AMER1: variants seen among roughly 807,000 people sequenced by gnomAD.
AMER1 encodes the protein RP11-403E24.2.
A neutral mutation model predicts 53.0 loss-of-function variants in AMER1; 16 were observed. That is an observed-to-expected ratio of 0.30 (90% CI 0.20 to 0.46). The LOEUF is 0.46. Ranked by LOEUF, AMER1 falls within the 20% of genes least tolerant of loss-of-function variation. AMER1 has a pLI of 1.00. For synonymous variants in AMER1, 354 were observed against 331.9 expected (o/e 1.07, Z -0.73); for missense variants, 947 against 884.9 (o/e 1.07, Z -0.89).
rs533580818 is a variant in AMER1 at position 64,196,781 on chromosome X, C to G, written c.-98-3397G>C. 6.3e-5 allele frequency among the ~76,000 whole-genome samples: 7 copies of G among 111,585 alleles called. 1 individual carries two copies. The South Asian group carries it at 2.7e-3, about 43-fold the overall frequency. Reference sequence around the variant, plus strand: ...GTCATCTTTGCTGGCAGATACCAGCCTTAAACTGGTACTCTGTGTTCTCTC... The same window carrying G: ...GTCATCTTTGCTGGCAGATACCAGCGTTAAACTGGTACTCTGTGTTCTCTC... On this transcript the variant is annotated intron_variant, in intron 1 of 1. Transcript: ENST00000374869.
At position 64,189,538 on chromosome X, in the gene AMER1, AT is replaced by A. The variant is rs763256131; in HGVS notation, c.*340del. 410 of 111,388 alleles carry A rather than the reference AT, an allele frequency of 3.7e-3. 12 individuals are homozygous for A. Among genetic ancestry groups the A allele is most frequent in the African/African-American group, 0.031 (392 of 12,680 alleles). The allele number at this position is 111,388 out of a possible 1,213,427, so 9.2% of individuals were successfully genotyped here. A position where few individuals can be genotyped will look rare whatever the true frequency, so the allele number is the denominator to read the frequency against. On this transcript the variant is annotated 3_prime_UTR_variant, in exon 2 of 2. Transcript: ENST00000374869. ...TGTATATATATATATATATATATAT[AT>A]ATATATATATATATATATAATCACT...
At position 64,186,861 on chromosome X, in the gene AMER1, G is replaced by A. The variant is rs778882116; in HGVS notation, c.*3018C>T. 5 of 771,111 alleles carry A rather than the reference G, an allele frequency of 6.5e-6. No individual in the cohort carries two copies. The East Asian group carries it at 3.8e-4, about 58-fold the overall frequency. The allele number at this position is 771,111 out of a possible 1,213,427, so 63.5% of individuals were successfully genotyped here. On this transcript the variant is annotated 3_prime_UTR_variant, in exon 2 of 2. Coordinates refer to ENST00000374869, the MANE Select transcript of AMER1 (RefSeq NM_152424.4). ...TGGCCTTCTCTATCCACATTCACTG[G>A]TCCTCCAAGGACCAGTCTCATCTGG...
At position 64,190,761 on chromosome X, in the gene AMER1, C is replaced by A. The variant is rs2147085882; in HGVS notation, c.2526G>T (p.Glu842Asp). ...EDLAASLEAF[E>D]LGYYHKHAFN... ...AGGCATGTTTGTGATAGTAGCCCAG[C>A]TCAAAGGCTTCCAAGGAGGCTGCAA... Residue 842 changes from glutamate (E) to aspartate (D), a missense_variant, in exon 2 of 2, where the codon GAG becomes GAT. Physicochemically the swap from Glu to Asp is conservative, Grantham distance 45. Transcript: ENST00000374869. 1 of 1,206,697 alleles carries A rather than the reference C, an allele frequency of 8.3e-7. No homozygotes were observed.
At chrX:64,195,943 C>T (rs1246031846) in intron 1 of AMER1, among the ~76,000 whole-genome samples, 1 of 112,621 alleles carries the variant, frequency 8.9e-6, no homozygotes, top group Non-Finnish European at 1.9e-5. Flanking sequence ...CTAGGACCTA[C>T]ACATCCTTGT....
At chrX:64,201,544 A>G (rs1930490069) in intron 1 of AMER1, among the ~76,000 whole-genome samples, 1 of 110,904 alleles carries the variant, frequency 9.0e-6, no homozygotes, top group African/African-American at 3.3e-5. Context: ...AGAACTGGGC[A>G]ATGAGGCAGG....
In AMER1 at chrX:64,190,453, G is replaced by A. The variant is rs2147085183; in HGVS notation, c.2834C>T (p.Pro945Leu). Residue 945 changes from proline to leucine, a missense_variant, in exon 2 of 2, where the codon CCC (proline) becomes CTC (leucine). Coordinates refer to ENST00000374869, the MANE Select transcript of AMER1 (RefSeq NM_152424.4). ...EEEGEWSRDS[P>L]LSLYTEPPGA... ...TGGGGGTTCAGTATAGAGGGAAAGG[G>A]GACTGTCTCGGCTCCATTCTCCTTC... The A allele has an allele frequency of 8.3e-7, 1 of 1,211,658 alleles. No homozygotes were observed. Among genetic ancestry groups the A allele is most frequent in the Non-Finnish European group, 1.1e-6 (1 of 895,469 alleles).
chrX:64,191,800 G>A lies in AMER1; in HGVS notation c.1487C>T (p.Pro496Leu), dbSNP rs2147088172. The change falls in exon 2 of 2, where the codon CCC becomes CTC. Residue 496 changes from proline to leucine, a missense_variant. Physicochemically the swap from Pro to Leu is moderately conservative, Grantham distance 98. Coordinates refer to ENST00000374869, the MANE Select transcript of AMER1 (RefSeq NM_152424.4). ...GGCATCTCCACTGTAGCTGTCTCGG[G>A]GTAGACAATCCCTGCGGACAAGCCC... ...ALGLVRRDCL[P>L]RDSYSGDALY... 1 of 1,211,554 alleles carries A rather than the reference G, an allele frequency of 8.3e-7. No individual in the cohort carries two copies. Among genetic ancestry groups the A allele is most frequent in the Non-Finnish European group, 1.1e-6 (1 of 895,407 alleles).
rs774927630 is a variant in AMER1 at position 64,192,695 on chromosome X, C to T, written c.592G>A (p.Glu198Lys). Residue 198 changes from glutamate (E) to lysine (K), a missense_variant, in exon 2 of 2, where the codon GAG becomes AAG. Physicochemically the swap from Glu to Lys is moderately conservative, Grantham distance 56. Transcript: ENST00000374869. Reference sequence around the variant, plus strand: ...TCATGAGGCCTGGCTCTGACCCTCTCAGGCCCCTTGGCCCCTGGCTCACTT... The same window carrying T: ...TCATGAGGCCTGGCTCTGACCCTCTTAGGCCCCTTGGCCCCTGGCTCACTT... Reference protein sequence around the residue: ...EQSEPGAKGPERVRARPHEHV... With the variant: ...EQSEPGAKGPKRVRARPHEHV... 2 of 1,179,707 alleles carry T rather than the reference C, an allele frequency of 1.7e-6. No homozygotes were observed. Among genetic ancestry groups the T allele is most frequent in the Admixed American group, 4.8e-5 (2 of 41,681 alleles).
In AMER1 at chrX:64,187,210, C is replaced by G. The variant is rs1930127546; in HGVS notation, c.*2669G>C. 1 of 785,441 alleles carries G rather than the reference C, an allele frequency of 1.3e-6. No individual in the cohort carries two copies. Among genetic ancestry groups the G allele is most frequent in the Non-Finnish European group, 1.5e-6 (1 of 658,706 alleles). The allele number at this position is 785,441 out of a possible 1,213,427, so 64.7% of individuals were successfully genotyped here. On this transcript the variant is annotated 3_prime_UTR_variant, in exon 2 of 2. Transcript: ENST00000374869. ...GTCCCCAGACAGGTCTTCCTTCCTC[C>G]CCTAGGCTGCCATTGGGTTTCAGCC...
intron 1 of AMER1, among the ~76,000 whole-genome samples, chrX:64,199,036 T>G (rs935739881): frequency 2.7e-5 from 3 of 112,409 alleles, no homozygotes; most frequent in African/African-American, 6.5e-5. Context: ...CTTGGCTTGG[T>G]TGGCTGATGG....
chrX:64,197,680 C>T (rs1205485807), intron 1 of AMER1, among the ~76,000 whole-genome samples: 1 of 112,433 alleles, frequency 8.9e-6, no homozygotes, highest in Non-Finnish European at 1.9e-5. Flanking sequence ...GCCCACCTGC[C>T]CTTCTGTATG....
chrX:64,198,820 A>C (rs1602071121), intron 1 of AMER1, among the ~76,000 whole-genome samples: 1 of 111,791 alleles, frequency 8.9e-6, no homozygotes, highest in East Asian at 2.8e-4. Context: ...ACTACAGGAC[A>C]TGTCACTCTA....
chrX:64,203,891 G>A (rs904800672), intron 1 of AMER1, among the ~76,000 whole-genome samples: 6 of 111,508 alleles, frequency 5.4e-5, no homozygotes, highest in African/African-American at 2.0e-4. Flanking sequence ...GGTGACTGTA[G>A]TGTGATATCT....
At chrX:64,194,828 A>G (rs971229252) in intron 1 of AMER1, among the ~76,000 whole-genome samples, 5 of 111,819 alleles carry the variant, frequency 4.5e-5, no homozygotes, top group Non-Finnish European at 9.4e-5. Flanking sequence ...GCTACACTCT[A>G]GCCTTGGAGC....
chrX:64,189,517 TA>T lies in AMER1; in HGVS notation c.*361del. On this transcript the variant is annotated 3_prime_UTR_variant, in exon 2 of 2. Coordinates refer to ENST00000374869, the MANE Select transcript of AMER1 (RefSeq NM_152424.4). ...GTGTGTGTGTGTGTGTGTGTGTGTA[TA>T]TATATATATATATATATATATATAT... The T allele has an allele frequency of 4.9e-5, 1 of 20,491 alleles. No homozygotes were observed. The highest frequency in any genetic ancestry group is 7.4e-5 in the Non-Finnish European group (1 of 13,588). 1.7% of individuals were successfully genotyped at this position (20,491 alleles called of 1,213,427 possible).
chrX:64,193,657 G>A (rs763815350), intron 1 of AMER1, among the ~76,000 whole-genome samples: 3 of 112,025 alleles, frequency 2.7e-5, no homozygotes, highest in South Asian at 3.8e-4. Context: ...CTAAGCTCAG[G>A]GGACCACTGG....
chrX:64,186,127 C>T lies in AMER1; in HGVS notation c.*3752G>A. On this transcript the variant is annotated 3_prime_UTR_variant, in exon 2 of 2. Transcript: ENST00000374869. ...AAAATGACAAGCTGTCTACCAGGTCCCACACGCCTGAGTCACTTGGCGTTT... is the reference window on the plus strand; with the variant it reads ...AAAATGACAAGCTGTCTACCAGGTCTCACACGCCTGAGTCACTTGGCGTTT... 1 of 1,209,108 alleles carries T rather than the reference C, an allele frequency of 8.3e-7. No homozygotes were observed. Among genetic ancestry groups the T allele is most frequent in the Non-Finnish European group, 1.1e-6 (1 of 893,580 alleles).
At chrX:64,200,170 C>T (rs779294148) in intron 1 of AMER1, among the ~76,000 whole-genome samples, 5 of 112,583 alleles carry the variant, frequency 4.4e-5, no homozygotes, top group Non-Finnish European at 7.5e-5. Context: ...GTACCATGCC[C>T]GCCTGCATAG....
At chrX:64,200,001 T>C (rs1930452727) in intron 1 of AMER1, among the ~76,000 whole-genome samples, 1 of 112,737 alleles carries the variant, frequency 8.9e-6, no homozygotes, top group African/African-American at 3.2e-5. Flanking sequence ...AAATGGGCTT[T>C]CCTGGTGAGT....
Sources: gnomAD v4.1 joint callset for allele counts (sites outside exome capture counted in the v4.1 genomes callset) on GRCh38, gnomAD v4.1.1 for gene constraint, MANE v1.5 for transcripts, NCBI Gene and HGNC (gene_info 2026-07-23, HGNC 2026-07-21) for gene names.